KANK1: variants seen among roughly 807,000 people sequenced by gnomAD.
The protein encoded by KANK1 is KN motif and ankyrin repeat domain-containing protein 1.
A neutral mutation model predicts 106.2 loss-of-function variants in KANK1; 109 were observed. That is an observed-to-expected ratio of 1.03 (90% CI 0.88 to 1.20). KANK1 has a LOEUF of 1.20. KANK1 is among the 50% of genes most tolerant of loss of function. KANK1 has a pLI of 0.00. For synonymous variants in KANK1, 873 were observed against 652.2 expected (o/e 1.34, Z -5.16); for missense variants, 2,399 against 1,710.7 (o/e 1.40, Z -7.10).
rs189400883 is a variant in KANK1 at position 703,521 on chromosome 9, C to G, written c.38-7283C>G. 2.1e-3 allele frequency among the ~76,000 whole-genome samples: 323 copies of G among 152,160 alleles called. 1 individual carries two copies. The highest frequency in any genetic ancestry group is 7.3e-3 in the African/African-American group (302 of 41,518). ...CTCCACCACTGGATTTCCAGACATT[C>G]AAAAAATTTTTGTAAACACCAGGGA... On this transcript the variant is annotated intron_variant, in intron 2 of 11. Transcript: ENST00000382297.
At chr9:709,760 C>T (rs556875385) in intron 2 of KANK1, among the ~76,000 whole-genome samples, 80 of 152,038 alleles carry the variant, frequency 5.3e-4, no homozygotes, top group African/African-American at 1.8e-3. Flanking sequence ...GGATTACAGG[C>T]GCCTGCCACC....
At chr9:633,085 A>G (rs1386785661) in intron 1 of KANK1, among the ~76,000 whole-genome samples, 1 of 152,062 alleles carries the variant, frequency 6.6e-6, no homozygotes, top group Admixed American at 6.6e-5. Context: ...TTTCTGTCCA[A>G]TCGTGACTTT....
At chr9:722,769 T>C (rs2361114) in intron 3 of KANK1, among the ~76,000 whole-genome samples, 10,751 of 152,246 alleles carry the variant, frequency 0.071, 878 homozygotes, top group African/African-American at 0.19. Flanking sequence ...AGTAGAATCC[T>C]CATGACCTTT....
intron 1 of KANK1, among the ~76,000 whole-genome samples, chr9:671,660 CTG>C (rs909958233): frequency 1.5e-3 from 103 of 70,486 alleles, no homozygotes; most frequent in African/African-American, 9.3e-3. Context: ...GAAGCATTTC[CTG>C]TGTGTCTCAT....
chr9:528,328 A>G (rs1039401846), intron 1 of KANK1, among the ~76,000 whole-genome samples: 1 of 151,854 alleles, frequency 6.6e-6, no homozygotes, highest in Non-Finnish European at 1.5e-5. Flanking sequence ...TGCATTTTCT[A>G]ATGTTGGTGG....
chr9:563,985 T>C (rs1335674759), intron 1 of KANK1, among the ~76,000 whole-genome samples: 1 of 152,172 alleles, frequency 6.6e-6, no homozygotes, highest in Non-Finnish European at 1.5e-5. Context: ...GACAGGATCT[T>C]TGTCTTACTT....
rs569277457 is a variant in KANK1, at chr9:653,287, A to G, written c.-83-23603A>G. Among the ~76,000 whole-genome samples the G allele has an allele frequency of 7.9e-5, 12 of 152,188 alleles. No individual in the cohort carries two copies. In the South Asian group the frequency reaches 2.3e-3, roughly 29 times the overall value. On this transcript the variant is annotated intron_variant, in intron 1 of 11. Transcript: ENST00000382297. ...AGTTCGAGGCCAACTGGAAATGAAA[A>G]TGCGGTTCCCAGGCTCGTGGTCTCT...
At position 713,201 on chromosome 9, in the gene KANK1, A is replaced by C; in HGVS notation, c.2435A>C (p.Gln812Pro). 2 of 1,587,672 alleles carry C rather than the reference A, an allele frequency of 1.3e-6. No individual in the cohort carries two copies. Among genetic ancestry groups the C allele is most frequent in the Non-Finnish European group, 1.7e-6 (2 of 1,166,930 alleles). ...DPVGESLENP[Q>P]PQAPLGMMTG... ...GTAGGGGAATCTCTGGAGAACCCCCAGCCTCAAGCTCCACTTGGAATGATG... is the reference window on the plus strand; with the variant it reads ...GTAGGGGAATCTCTGGAGAACCCCCCGCCTCAAGCTCCACTTGGAATGATG... Residue 812 changes from glutamine to proline, a missense_variant, in exon 3 of 12, where the codon CAG becomes CCG. By Grantham distance (76) the Gln-to-Pro change is moderately conservative. Transcript: ENST00000382297.
At chr9:629,027 C>G (rs888952667) in intron 1 of KANK1, among the ~76,000 whole-genome samples, 2 of 147,042 alleles carry the variant, frequency 1.4e-5, no homozygotes, top group African/African-American at 5.1e-5. Context: ...TGCAGTGAGC[C>G]AAGATCATGC....
chr9:701,152 T>C lies in KANK1; in HGVS notation c.38-9652T>C, dbSNP rs146133146. The stretch of plus-strand genomic sequence containing the variant: ...TTTTTTTGAAATGGAGTTTCACTCT[T>C]GCCCAGGCTGGAGTGCAATGTCATG... On this transcript the variant is annotated intron_variant, in intron 2 of 11. Coordinates refer to ENST00000382297, the MANE Select transcript of KANK1 (RefSeq NM_015158.5). 5.0e-3 allele frequency among the ~76,000 whole-genome samples: 754 copies of C among 152,274 alleles called. 8 individuals are homozygous for C. The highest frequency in any genetic ancestry group is 0.016 in the African/African-American group (668 of 41,544).
chr9:485,676 C>T (rs73386727), intron 3 of KANK1, among the ~76,000 whole-genome samples: 11 of 151,992 alleles, frequency 7.2e-5, no homozygotes, highest in Admixed American at 2.0e-4. Flanking sequence ...AGTTGGAGAC[C>T]AGCCCGGCCA....
chr9:643,677 G>C (rs977772555), intron 1 of KANK1, among the ~76,000 whole-genome samples: 2 of 148,460 alleles, frequency 1.3e-5, no homozygotes, highest in Non-Finnish European at 3.0e-5. Flanking sequence ...AATGTGCCTA[G>C]CATTGATTTG....
intron 3 of KANK1, among the ~76,000 whole-genome samples, chr9:499,505 C>T (rs2058513568): frequency 6.6e-6 from 1 of 152,172 alleles, no homozygotes; most frequent in Non-Finnish European, 1.5e-5. Flanking sequence ...ATTGCCAGCC[C>T]CCAGACCTTG....
intron 1 of KANK1, among the ~76,000 whole-genome samples, chr9:556,571 C>T (rs951085918): frequency 6.6e-6 from 1 of 152,144 alleles, no homozygotes; most frequent in Admixed American, 6.5e-5. Context: ...TTTTTAGTAA[C>T]TGTTTCTCAT....
At chr9:501,784 C>T (rs1164918769), upstream of KANK1, among the ~76,000 whole-genome samples, 1 of 152,162 alleles carries the variant, frequency 6.6e-6, no homozygotes, top group African/African-American at 2.4e-5. Flanking sequence ...AATTCCTGGG[C>T]TCAAGCTATC....
At chr9:569,636 T>C (rs951668063) in intron 1 of KANK1, among the ~76,000 whole-genome samples, 4 of 152,350 alleles carry the variant, frequency 2.6e-5, no homozygotes, top group South Asian at 2.1e-4. Context: ...TATTCTGTTA[T>C]AAGCAACAGA....
At position 608,228 on chromosome 9, in the gene KANK1, G is replaced by A. The variant is rs556072268; in HGVS notation, c.-83-68662G>A. Reference sequence around the variant, plus strand: ...AATTTTTTGTATTTTTAGTAGAGACGGGGTTTCACCTTGTTAGCCAGGATG... The same window carrying A: ...AATTTTTTGTATTTTTAGTAGAGACAGGGTTTCACCTTGTTAGCCAGGATG... On this transcript the variant is annotated intron_variant, in intron 1 of 11. Coordinates refer to ENST00000382297, the MANE Select transcript of KANK1 (RefSeq NM_015158.5). Among the ~76,000 whole-genome samples the A allele has an allele frequency of 3.9e-4, 58 of 150,140 alleles. 2 individuals are homozygous for A. Among genetic ancestry groups the A allele is most frequent in the Middle Eastern group, 3.4e-3 (1 of 292 alleles).
At chr9:683,642 ACTGCATAAAAC>A (rs1817993297) in intron 2 of KANK1, among the ~76,000 whole-genome samples, 1 of 152,196 alleles carries the variant, frequency 6.6e-6, no homozygotes. Flanking sequence ...AGTTCAGAAA[ACTGCATAAAAC>A]CCTAAAGTAC....
chr9:553,238 C>G (rs2061383804), intron 1 of KANK1, among the ~76,000 whole-genome samples: 1 of 152,142 alleles, frequency 6.6e-6, no homozygotes, highest in Non-Finnish European at 1.5e-5. Context: ...TGTTTACAAC[C>G]TCTACCTTCC....
Sources: allele counts gnomAD v4.1 joint callset (sites outside exome capture counted in the v4.1 genomes callset), GRCh38; gene constraint gnomAD v4.1.1; transcripts MANE v1.5; gene names NCBI Gene and HGNC (gene_info 2026-07-23, HGNC 2026-07-21).